Variants in ARHGAP29 observed in about 807,000 individuals in gnomAD.
ARHGAP29 encodes Rho GTPase activating protein 29, also known as rho GTPase-activating protein 29.
ARHGAP29 carries 43 observed loss-of-function variants against 122.6 expected under a neutral mutation model. That is an observed-to-expected ratio of 0.35 (90% CI 0.27 to 0.45). The LOEUF is 0.45. ARHGAP29 is among the 20% of genes least tolerant of loss of function. The pLI, the probability that ARHGAP29 is intolerant of heterozygous loss-of-function variation, is 1.00. For synonymous variants in ARHGAP29, 506 were observed against 497.1 expected (o/e 1.02, Z -0.24); for missense variants, 1,303 against 1,477.2 (o/e 0.88, Z 1.93).
At chr1:94,270,520 A>C (rs1654948142) in intron 1 of ARHGAP29, among the ~76,000 whole-genome samples, 1 of 152,214 alleles carries the variant, frequency 6.6e-6, no homozygotes, top group Non-Finnish European at 1.5e-5. Flanking sequence ...CCATTAAAAG[A>C]TGAAACTGGT....
intron 20 of ARHGAP29, among the ~76,000 whole-genome samples, chr1:94,178,793 AAG>A (rs1236351753): frequency 8.5e-5 from 13 of 152,218 alleles, no homozygotes; most frequent in African/African-American, 2.7e-4. Flanking sequence ...CCAGGCATGC[AAG>A]ACTTTATCAG....
Position 94,174,204 on chromosome 1 carries a change from G to A in ARHGAP29, c.3451C>T (p.Pro1151Ser). 2 of 1,614,186 alleles carry A rather than the reference G, an allele frequency of 1.2e-6. No individual in the cohort carries two copies. Among genetic ancestry groups the A allele is most frequent in the Non-Finnish European group, 1.7e-6 (2 of 1,180,034 alleles). ...RRSSDSYPLA[P>S]VRAPRTLQPQ... The stretch of plus-strand genomic sequence containing the variant: ...TGCAGTGTTCTGGGTGCTCTGACAG[G>A]AGCGAGAGGGTAGGAATCTGAAGAC... Residue 1151 changes from proline to serine, a missense_variant, in exon 23 of 23, where the codon CCT becomes TCT. Pro to Ser is a moderately conservative substitution (Grantham distance 74, BLOSUM62 -1). Coordinates refer to ENST00000260526, the MANE Select transcript of ARHGAP29 (RefSeq NM_004815.4).
chr1:94,305,456 C>T, the ARHGAP29 span, among the ~76,000 whole-genome samples: 10 of 152,244 alleles, frequency 6.6e-5, no homozygotes, highest in Admixed American at 1.3e-4. Context: ...GAAGATGGGT[C>T]AGGAAACACA....
Position 94,184,886 on chromosome 1 carries a change from C to T in ARHGAP29, c.2095G>A (p.Ala699Thr). Residue 699 changes from alanine to threonine, a missense_variant, in exon 18 of 23, where the codon GCT becomes ACT. Ala to Thr is a moderately conservative substitution (Grantham distance 58, BLOSUM62 0). Transcript: ENST00000260526. Reference sequence around the variant, plus strand: ...TTATAATGTACCTGTAGACACAAAGCTCTATTTTCAATCTCTGAGGCACAT... The same window carrying T: ...TTATAATGTACCTGTAGACACAAAGTTCTATTTTCAATCTCTGAGGCACAT... The part of the protein sequence containing the change: ...KICASEIENR[A>T]LCLQGIYRVC... 1.3e-6 allele frequency: 2 copies of T among 1,597,672 alleles called. No homozygotes were observed. Among genetic ancestry groups the T allele is most frequent in the South Asian group, 1.1e-5 (1 of 87,794 alleles).
intron 3 of ARHGAP29, among the ~76,000 whole-genome samples, chr1:94,219,228 T>C (rs1652131691): frequency 1.4e-5 from 2 of 139,316 alleles, no homozygotes; most frequent in African/African-American, 5.3e-5. Flanking sequence ...ACCTTATCGG[T>C]AGCATTTAAC....
chr1:94,298,019 A>G, the ARHGAP29 span, among the ~76,000 whole-genome samples: 1 of 152,192 alleles, frequency 6.6e-6, no homozygotes, highest in African/African-American at 2.4e-5. Flanking sequence ...CTGAGATGCC[A>G]TTTTCAAAAT....
the ARHGAP29 span, among the ~76,000 whole-genome samples, chr1:94,283,316 G>GT: frequency 6.6e-6 from 1 of 152,086 alleles, no homozygotes; most frequent in Non-Finnish European, 1.5e-5. Flanking sequence ...GGGTAACCTG[G>GT]TTACCATGCA....
chr1:94,231,283 A>G, intron 2 of ARHGAP29, 124 bp downstream of exon 2: 2 of 744,906 alleles, frequency 2.7e-6, no homozygotes, highest in Non-Finnish European at 4.3e-6. Flanking sequence ...TTTGGGGAAA[A>G]AAGCACTAAA....
chr1:94,297,912 A>G, the ARHGAP29 span, among the ~76,000 whole-genome samples: 4 of 152,224 alleles, frequency 2.6e-5, no homozygotes, highest in Non-Finnish European at 5.9e-5. Flanking sequence ...CAAATAACAT[A>G]GTGAACCTCT....
intron 3 of ARHGAP29, among the ~76,000 whole-genome samples, chr1:94,214,143 T>C (rs1334191839): frequency 2.6e-5 from 4 of 152,176 alleles, no homozygotes; most frequent in Admixed American, 6.5e-5. Flanking sequence ...TCTGGACACA[T>C]TACCTAACTT....
chr1:94,202,814 TAA>T, intron 10 of ARHGAP29, 82 bp from the exon 11 acceptor site: 2 of 1,544,974 alleles, frequency 1.3e-6, no homozygotes, highest in African/African-American at 2.8e-5. Flanking sequence ...GCAAGATAGT[TAA>T]GACAATATTT....
chr1:94,190,240 T>A, intron 12 of ARHGAP29, 157 bp from the exon 13 acceptor site: 1 of 700,650 alleles, frequency 1.4e-6, no homozygotes, highest in Non-Finnish European at 2.2e-6. Context: ...TGATTTTGCA[T>A]AAGTCTAGAT....
In ARHGAP29 at chr1:94,220,306, A is replaced by C. The variant is rs367962340; in HGVS notation, c.292T>G (p.Ser98Ala). 9.3e-6 allele frequency: 15 copies of C among 1,613,590 alleles called. No individual in the cohort carries two copies. In the African/African-American group the frequency reaches 1.6e-4, roughly 17 times the overall value. ...SIMNKHQNLN[S>A]VDLQNAAEML... The stretch of plus-strand genomic sequence containing the variant: ...TCTGCAGCATTTTGAAGATCAACAG[A>C]ATTGAGGTTCTGATGTTTATTCATT... The change falls in exon 3 of 23, where the codon TCT (serine) becomes GCT (alanine). Residue 98 changes from serine to alanine, a missense_variant. Physicochemically the swap from Ser to Ala is moderately conservative, Grantham distance 99. Coordinates refer to ENST00000260526, the MANE Select transcript of ARHGAP29 (RefSeq NM_004815.4).
the ARHGAP29 span, among the ~76,000 whole-genome samples, chr1:94,301,781 A>G: frequency 6.6e-6 from 1 of 152,170 alleles, no homozygotes; most frequent in Non-Finnish European, 1.5e-5. Flanking sequence ...ATGCATCAGG[A>G]TATACAAGGG....
In ARHGAP29 at chr1:94,202,417, G is replaced by C. The variant is rs1165591617; in HGVS notation, c.1143+127C>G. The C allele has an allele frequency of 5.4e-6, 6 of 1,113,980 alleles. No homozygotes were observed. The Admixed American group carries it at 9.3e-5, about 17-fold the overall frequency. The allele number at this position is 1,113,980 out of a possible 1,614,324, so 69.0% of individuals were successfully genotyped here. On this transcript the variant is annotated intron_variant, in intron 11 of 22. Coordinates refer to ENST00000260526, the MANE Select transcript of ARHGAP29 (RefSeq NM_004815.4). The stretch of plus-strand genomic sequence containing the variant: ...TGACCTACTGAATGAGAAACTCTGG[G>C]GGATGGGCTTAGCCATGTTTTAACA...
At chr1:94,256,628 G>C (rs1374819617) in intron 1 of ARHGAP29, among the ~76,000 whole-genome samples, 2 of 122,114 alleles carry the variant, frequency 1.6e-5, no homozygotes, top group African/African-American at 6.4e-5. Flanking sequence ...CGCGATTCTC[G>C]GCTCACTGCA....
chr1:94,175,868 A>C (rs1047868110), intron 22 of ARHGAP29, among the ~76,000 whole-genome samples: 1 of 151,730 alleles, frequency 6.6e-6, no homozygotes. Flanking sequence ...CCATGCCCAG[A>C]TAATTTTTGT....
Position 94,208,818 on chromosome 1 carries a change from C to T in ARHGAP29, c.510+14G>A, listed in dbSNP as rs954197371. On this transcript the variant is annotated intron_variant, in intron 5 of 22. Transcript: ENST00000260526. ...AAACATTAAAGACTTTGCTTTCACA[C>T]AAACTTAGCTTACCTTAGTTTCTCG... 8 of 1,611,992 alleles carry T rather than the reference C, an allele frequency of 5.0e-6. No homozygotes were observed. The African/African-American group carries it at 1.1e-4, about 22-fold the overall frequency.
At chr1:94,233,265 T>G (rs1653037762) in intron 1 of ARHGAP29, among the ~76,000 whole-genome samples, 1 of 152,148 alleles carries the variant, frequency 6.6e-6, no homozygotes, top group South Asian at 2.1e-4. Context: ...CTAGGAAGTT[T>G]TATGTAATAT....
Sources: allele counts gnomAD v4.1 joint callset (sites outside exome capture counted in the v4.1 genomes callset), GRCh38; gene constraint gnomAD v4.1.1; transcripts MANE v1.5; gene names NCBI Gene and HGNC (gene_info 2026-07-23, HGNC 2026-07-21).